Variants in ARHGAP24 observed in about 807,000 individuals in gnomAD.
ARHGAP24 encodes Rho GTPase activating protein 24, also known as rho GTPase-activating protein 24.
In ARHGAP24, 50 loss-of-function variants were observed where a neutral mutation model predicts 76.4. The ratio of observed to expected loss-of-function variants is 0.65; its 90% CI spans 0.52 to 0.83. ARHGAP24 has a LOEUF of 0.83. Among genes scored for constraint, ARHGAP24 ranks in the 40% least tolerant of loss-of-function variants. The probability of loss-of-function intolerance (pLI) is 0.00; values close to 1 mark genes in which losing one functional copy is unlikely to be tolerated. For missense variants in ARHGAP24, 930 were observed against 914.2 expected, an observed-to-expected ratio of 1.02 and a Z score of -0.22; for synonymous variants, 345 against 323.3, an observed-to-expected ratio of 1.07 and a Z score of -0.72.
At chr4:85,868,115 A>G (rs1409290246) in intron 3 of ARHGAP24, among the ~76,000 whole-genome samples, 1 of 152,048 alleles carries the variant, frequency 6.6e-6, no homozygotes, top group Admixed American at 6.6e-5. Flanking sequence ...TGAGGTATAC[A>G]TTAGTTCCGC....
At chr4:85,526,740 C>T (rs3919901) in intron 1 of ARHGAP24, among the ~76,000 whole-genome samples, 16,920 of 152,084 alleles carry the variant, frequency 0.11, 3,025 homozygotes, top group African/African-American at 0.38. Flanking sequence ...AATACAACTT[C>T]AATTATTGAA....
chr4:85,919,242 T>G (rs1417730008), intron 3 of ARHGAP24, among the ~76,000 whole-genome samples: 1 of 152,242 alleles, frequency 6.6e-6, no homozygotes, highest in East Asian at 1.9e-4. Context: ...GCCACATGAT[T>G]GAAAGTCAAA....
intron 3 of ARHGAP24, among the ~76,000 whole-genome samples, chr4:85,742,030 AGT>A (rs1466490947): frequency 6.6e-6 from 1 of 152,042 alleles, no homozygotes; most frequent in Non-Finnish European, 1.5e-5. Context: ...TGGGGGAGGG[AGT>A]GGTAAGGCAG....
At chr4:85,806,934 T>G (rs1173210188) in intron 3 of ARHGAP24, among the ~76,000 whole-genome samples, 1 of 152,152 alleles carries the variant, frequency 6.6e-6, no homozygotes, top group Non-Finnish European at 1.5e-5. Context: ...ACTTTTTAAC[T>G]TAACAAAAGA....
intron 2 of ARHGAP24, among the ~76,000 whole-genome samples, chr4:85,685,643 A>AAAGAAAAG (rs1553922810): frequency 7.3e-5 from 11 of 150,198 alleles, no homozygotes; most frequent in African/African-American, 2.8e-4. Flanking sequence ...AAAAAAAAAA[A>AAAGAAAAG]AAAAGAAAAG....
chr4:85,572,647 A>T (rs184041788), intron 2 of ARHGAP24, among the ~76,000 whole-genome samples: 1 of 152,162 alleles, frequency 6.6e-6, no homozygotes, highest in Non-Finnish European at 1.5e-5. Flanking sequence ...GTATTTTTAC[A>T]TTAGCATGTT....
intron 2 of ARHGAP24, among the ~76,000 whole-genome samples, chr4:85,685,015 G>A (rs1338360528): frequency 2.0e-5 from 3 of 152,138 alleles, no homozygotes; most frequent in Non-Finnish European, 4.4e-5. Flanking sequence ...GTGTTTTCTG[G>A]AGAAACTAGG....
chr4:85,562,384 ATTG>A (rs1409830190), intron 1 of ARHGAP24, among the ~76,000 whole-genome samples: 2 of 151,976 alleles, frequency 1.3e-5, no homozygotes, highest in Non-Finnish European at 2.9e-5. Flanking sequence ...TTCTAAAGGT[ATTG>A]CTCATTCTCA....
At chr4:85,651,990 G>A (rs535745383) in intron 2 of ARHGAP24, among the ~76,000 whole-genome samples, 28 of 152,106 alleles carry the variant, frequency 1.8e-4, no homozygotes, top group African/African-American at 6.3e-4. Context: ...TCATTTCTTA[G>A]CACAGCTTAT....
chr4:85,734,079 C>T (rs1725514564), intron 3 of ARHGAP24, among the ~76,000 whole-genome samples: 1 of 152,162 alleles, frequency 6.6e-6, no homozygotes, highest in Non-Finnish European at 1.5e-5. Flanking sequence ...TATATGTTCA[C>T]CACACTATAA....
rs145034548 is a variant in ARHGAP24, at chr4:85,689,271, T to G, written c.181-32614T>G. ...TTGTAGAGATCTTTCACCTCCTTGA[T>G]TAGCTATATTACTAAGCATTTCATT... On this transcript the variant is annotated intron_variant, in intron 2 of 9. Transcript: ENST00000395184. Among the ~76,000 whole-genome samples the G allele has an allele frequency of 5.3e-3, 813 of 152,322 alleles. 7 individuals are homozygous for G. Among genetic ancestry groups the G allele is most frequent in the African/African-American group, 0.018 (769 of 41,574 alleles).
rs139795265 is a variant in ARHGAP24 at position 85,999,910 on chromosome 4, C to T, written c.2004-569C>T. 533 of 153,394 alleles carry T rather than the reference C, an allele frequency of 3.5e-3. 2 individuals carry two copies. The highest frequency in any genetic ancestry group is 5.4e-3 in the Non-Finnish European group (372 of 68,788). 9.5% of individuals were successfully genotyped at this position (153,394 alleles called of 1,614,324 possible). ...TATGAGATGCAGTGCTTATTTAACA[C>T]ATGTGATCTTTACCTCTCGTATCAA... On this transcript the variant is annotated intron_variant, in intron 9 of 9. Coordinates refer to ENST00000395184, the MANE Select transcript of ARHGAP24 (RefSeq NM_001025616.3).
chr4:85,839,463 T>C (rs1005072313), intron 3 of ARHGAP24, among the ~76,000 whole-genome samples: 14 of 152,308 alleles, frequency 9.2e-5, no homozygotes, highest in African/African-American at 3.4e-4. Context: ...TTTTTTTTTC[T>C]TTTTTTGAGA....
intron 2 of ARHGAP24, among the ~76,000 whole-genome samples, chr4:85,612,792 CTTTTTTTT>C (rs70948739): frequency 1.2e-5 from 1 of 82,774 alleles, no homozygotes; most frequent in Non-Finnish European, 2.2e-5. Flanking sequence ...CTTTCCATTC[CTTTTTTTT>C]TTTTTTTTTT....
At chr4:85,997,030 C>T (rs1560776147) in intron 9 of ARHGAP24, among the ~76,000 whole-genome samples, 1 of 152,068 alleles carries the variant, frequency 6.6e-6, no homozygotes, top group Non-Finnish European at 1.5e-5. Flanking sequence ...TAGAACTTCC[C>T]AATAGAGGTC....
chr4:85,907,288 GACAA>G (rs1375128755), intron 3 of ARHGAP24, among the ~76,000 whole-genome samples: 13 of 151,958 alleles, frequency 8.6e-5, no homozygotes, highest in African/African-American at 3.1e-4. Flanking sequence ...AAAATAAATA[GACAA>G]ACAAATGTAG....
At chr4:85,813,800 A>AAT (rs956044848) in intron 3 of ARHGAP24, among the ~76,000 whole-genome samples, 6 of 125,848 alleles carry the variant, frequency 4.8e-5, no homozygotes, top group East Asian at 2.3e-4. Context: ...TAGTTATATA[A>AAT]ATATATATAT....
chr4:85,953,602 G>A (rs145561043), intron 5 of ARHGAP24, among the ~76,000 whole-genome samples: 1,653 of 152,020 alleles, frequency 0.011, 17 homozygotes, highest in Non-Finnish European at 0.018. Context: ...AATGGTTGGA[G>A]AATGCCTAGG....
At chr4:85,649,801 G>A (rs1223362522) in intron 2 of ARHGAP24, among the ~76,000 whole-genome samples, 1 of 152,114 alleles carries the variant, frequency 6.6e-6, no homozygotes, top group Non-Finnish European at 1.5e-5. Context: ...ACTGTGTGAT[G>A]TCCTGCATAT....
Sources: allele counts gnomAD v4.1 joint callset (sites outside exome capture counted in the v4.1 genomes callset), GRCh38; gene constraint gnomAD v4.1.1; transcripts MANE v1.5; gene names NCBI Gene and HGNC (gene_info 2026-07-23, HGNC 2026-07-21).